TTC39B: variants seen among roughly 807,000 people sequenced by gnomAD.
TTC39B encodes the protein tetratricopeptide repeat domain 39B, also known as tetratricopeptide repeat protein 39B.
Under a neutral mutation model 96.6 loss-of-function variants are expected in TTC39B, and 92 were observed. The observed-to-expected ratio is 0.95, with a 90% CI of 0.80 to 1.13. The LOEUF (loss-of-function observed/expected upper bound fraction) is 1.13. TTC39B is among the 50% of genes most tolerant of loss of function. The pLI is 0.00. For missense variants in TTC39B, 955 were observed against 809.3 expected (o/e 1.18, Z -2.18); for synonymous variants, 367 against 299.4 (o/e 1.23, Z -2.33).
Position 15,200,207 on chromosome 9 carries a change from C to T in TTC39B, c.760-282G>A, listed in dbSNP as rs111868556. Reference sequence around the variant, plus strand: ...ATCCTCACCAATTAGGGGCCATATGCGGTCCAAATTATTTTAATAAACATT... The same window carrying T: ...ATCCTCACCAATTAGGGGCCATATGTGGTCCAAATTATTTTAATAAACATT... On this transcript the variant is annotated intron_variant, in intron 7 of 19. Coordinates refer to ENST00000512701, the Ensembl canonical transcript of TTC39B. Among the ~76,000 whole-genome samples the T allele has an allele frequency of 7.1e-3, 1,078 of 152,214 alleles. 24 individuals carry two copies. Among genetic ancestry groups the T allele is most frequent in the African/African-American group, 0.024 (1,003 of 41,516 alleles).
exon 20 of TTC39B, chr9:15,168,259 G>A (rs530772866): frequency 6.6e-6 from 1 of 152,224 alleles, no homozygotes; most frequent in South Asian, 2.1e-4. Context: ...GAAACAACAC[G>A]GTTTACAGGC....
At chr9:15,294,551 G>C (rs150257796) in intron 1 of TTC39B, among the ~76,000 whole-genome samples, 1 of 152,258 alleles carries the variant, frequency 6.6e-6, no homozygotes, top group African/African-American at 2.4e-5. Context: ...ACACTTTTCA[G>C]TTTTAGATAG....
intron 2 of TTC39B, among the ~76,000 whole-genome samples, chr9:15,226,445 G>C (rs1821128486): frequency 6.6e-6 from 1 of 152,064 alleles, no homozygotes; most frequent in Non-Finnish European, 1.5e-5. Flanking sequence ...ATCCAGAGTT[G>C]CTTTATCATA....
chr9:15,170,753 T>G (rs1404934895), exon 20 of TTC39B: 1 of 152,198 alleles, frequency 6.6e-6, no homozygotes, highest in Non-Finnish European at 1.5e-5. Context: ...ACTCATAAAT[T>G]GTCTTTTCTC....
intron 2 of TTC39B, among the ~76,000 whole-genome samples, chr9:15,230,448 A>G (rs1431417810): frequency 3.3e-5 from 5 of 152,162 alleles, no homozygotes; most frequent in African/African-American, 1.2e-4. Flanking sequence ...AGATTTGCCT[A>G]TTCTGGACAT....
chr9:15,210,108 G>T, exon 6 of TTC39B: 1 of 1,606,550 alleles, frequency 6.2e-7, no homozygotes, highest in Non-Finnish European at 8.5e-7. Context: ...TTGCTCCAGG[G>T]ATCCTCTAGA....
chr9:15,266,116 G>A (rs888542929), intron 2 of TTC39B, among the ~76,000 whole-genome samples: 1 of 152,144 alleles, frequency 6.6e-6, no homozygotes, highest in Non-Finnish European at 1.5e-5. Context: ...AATGTACCAT[G>A]CTAACTTAAG....
At chr9:15,185,256 TG>T in intron 16 of TTC39B, 23 bp downstream of exon 16, 1 of 1,592,680 alleles carries the variant, frequency 6.3e-7, no homozygotes, top group Non-Finnish European at 8.5e-7. Flanking sequence ...TTCTAGTACA[TG>T]AAAAGAAAAT....
chr9:15,270,427 A>C (rs940756833), intron 1 of TTC39B, among the ~76,000 whole-genome samples: 1 of 152,026 alleles, frequency 6.6e-6, no homozygotes, highest in Non-Finnish European at 1.5e-5. Flanking sequence ...AATAGGGTAC[A>C]TGGACAGCCC....
At chr9:15,296,852 T>A (rs1157749038) in intron 1 of TTC39B, among the ~76,000 whole-genome samples, 1 of 152,030 alleles carries the variant, frequency 6.6e-6, no homozygotes, top group Non-Finnish European at 1.5e-5. Flanking sequence ...GCCTGTAGTC[T>A]CAGCACTTTG....
intron 2 of TTC39B, among the ~76,000 whole-genome samples, chr9:15,251,339 G>A (rs1323819722): frequency 2.6e-5 from 4 of 151,944 alleles, no homozygotes; most frequent in Non-Finnish European, 5.9e-5. Context: ...AAGGTGGGTG[G>A]ATCACCTGAG....
chr9:15,222,752 C>T (rs150779783), intron 3 of TTC39B, among the ~76,000 whole-genome samples: 38 of 152,244 alleles, frequency 2.5e-4, no homozygotes, highest in African/African-American at 7.9e-4. Context: ...GTTTTCTCTC[C>T]GTTCCTTTAA....
intron 1 of TTC39B, among the ~76,000 whole-genome samples, chr9:15,294,073 G>T (rs1445832389): frequency 2.6e-5 from 4 of 152,160 alleles, no homozygotes; most frequent in Non-Finnish European, 4.4e-5. Flanking sequence ...TAATTCTGCT[G>T]AAGTTTTTAT....
Position 15,187,012 on chromosome 9 carries a change from T to C in TTC39B, c.1419A>G (p.Ala473=), listed in dbSNP as rs112186053. 1,930 of 1,613,210 alleles carry C rather than the reference T, an allele frequency of 1.2e-3. 20 individuals carry two copies. In the African/African-American group the frequency reaches 0.023, roughly 19 times the overall value. The stretch of plus-strand genomic sequence containing the variant: ...CCTCTGGAAGCATACTCAAAATTGC[T>C]GCTTTCAAGAACACATAAGTTGCCT... The change falls in exon 15 of 20, where the codon GCA becomes GCG. Residue 473 remains alanine, a synonymous_variant. Transcript: ENST00000512701.
intron 19 of TTC39B, among the ~76,000 whole-genome samples, chr9:15,173,952 C>A (rs867338456): frequency 6.6e-6 from 1 of 152,170 alleles, no homozygotes; most frequent in African/African-American, 2.4e-5. Flanking sequence ...AGTGGCTCAA[C>A]CTCCTCAATG....
rs1588825939 is a variant in TTC39B, at chr9:15,170,136, G to C, written c.*1883C>G. ...GACAGTTAATTTTATTTTCTATTTT[G>C]TCTGTACCTAAAGTTGTATTACTAA... On this transcript the variant is annotated 3_prime_UTR_variant, in exon 20 of 20. Coordinates refer to ENST00000512701, the Ensembl canonical transcript of TTC39B. 1.4e-4 allele frequency: 4 copies of C among 28,562 alleles called. No individual in the cohort carries two copies. The East Asian group carries it at 9.7e-3, about 69-fold the overall frequency. The allele number at this position is 28,562 out of a possible 1,614,324, so 1.8% of individuals were successfully genotyped here.
chr9:15,176,850 C>T (rs1371355097), intron 18 of TTC39B, among the ~76,000 whole-genome samples: 1 of 152,154 alleles, frequency 6.6e-6, no homozygotes, highest in Admixed American at 6.5e-5. Context: ...GTAAATACTG[C>T]ATTTGTGATA....
intron 2 of TTC39B, among the ~76,000 whole-genome samples, chr9:15,256,844 A>C (rs1015918384): frequency 6.6e-6 from 1 of 152,210 alleles, no homozygotes; most frequent in African/African-American, 2.4e-5. Flanking sequence ...GCCCTCGATG[A>C]GGCAGAAGCA....
In TTC39B at chr9:15,189,028, C is replaced by G. The variant is rs1283943162; in HGVS notation, c.1233+546G>C. The stretch of plus-strand genomic sequence containing the variant: ...AGGCATACTGATCTGGAAAGAGATC[C>G]AAGACATATTGTAAACAGTGAAAAA... On this transcript the variant is annotated intron_variant, in intron 13 of 19. Transcript: ENST00000512701. Among the ~76,000 whole-genome samples the G allele has an allele frequency of 3.3e-5, 5 of 151,824 alleles. No homozygotes were observed. In the East Asian group the frequency reaches 7.7e-4, roughly 23 times the overall value.
Sources: allele counts gnomAD v4.1 joint callset (sites outside exome capture counted in the v4.1 genomes callset), GRCh38; gene constraint gnomAD v4.1.1; transcripts MANE v1.5; gene names NCBI Gene and HGNC (gene_info 2026-07-23, HGNC 2026-07-21).